GLI2: variants seen among roughly 807,000 people sequenced by gnomAD.
The protein encoded by GLI2 is transcription activator GLI2.
Under a neutral mutation model 78.9 loss-of-function variants are expected in GLI2, and 22 were observed. That is an observed-to-expected ratio of 0.28 (90% CI 0.20 to 0.40). The LOEUF is 0.40. Ranked by LOEUF, GLI2 falls within the 10% of genes least tolerant of loss-of-function variation. The probability of loss-of-function intolerance (pLI) is 1.00; values close to 1 mark genes in which losing one functional copy is unlikely to be tolerated. For synonymous variants in GLI2, 974 were observed against 963.7 expected (o/e 1.01, Z -0.20); for missense variants, 2,097 against 2,213.2 (o/e 0.95, Z 1.05).
rs114589046 is a variant in GLI2 at position 120,815,176 on chromosome 2, G to A, written c.148+17708G>A. On this transcript the variant is annotated intron_variant, in intron 2 of 13. Transcript: ENST00000361492. Reference sequence around the variant, plus strand: ...GCCATTGAGCAGGCTCTTGCTGACCGCTGTAAAGATAAGTAACGGCAGTTT... The same window carrying A: ...GCCATTGAGCAGGCTCTTGCTGACCACTGTAAAGATAAGTAACGGCAGTTT... Among the ~76,000 whole-genome samples, 8 of 152,278 alleles carry A rather than the reference G, an allele frequency of 5.3e-5. No individual in the cohort carries two copies. The East Asian group carries it at 5.8e-4, about 11-fold the overall frequency.
chr2:120,958,451 C>A (rs1186811800), intron 5 of GLI2, among the ~76,000 whole-genome samples: 1 of 152,150 alleles, frequency 6.6e-6, no homozygotes, highest in Non-Finnish European at 1.5e-5. Flanking sequence ...GTCCCTCAGG[C>A]CTCCAAGAGT....
rs73949930 is a variant in GLI2 at position 120,821,496 on chromosome 2, G to A, written c.148+24028G>A. 4.6e-3 allele frequency among the ~76,000 whole-genome samples: 694 copies of A among 152,168 alleles called. 6 individuals carry two copies. Among genetic ancestry groups the A allele is most frequent in the African/African-American group, 0.016 (661 of 41,522 alleles). On this transcript the variant is annotated intron_variant, in intron 2 of 13. Coordinates refer to ENST00000361492, the MANE Select transcript of GLI2 (RefSeq NM_001374353.1). ...TTCTGGCCGAGACTGTCAAATCCTC[G>A]GATGGGCTTGTAAACCAGCTCCTGG...
In GLI2 at chr2:120,948,271, G is replaced by A. The variant is rs1680810236; in HGVS notation, c.255-2972G>A. On this transcript the variant is annotated intron_variant, in intron 3 of 13. Transcript: ENST00000361492. ...TCCATACCCTCCTGAGGGGCACACA[G>A]CCGGTGCTTACTTCATGGGGGCTGC... is the stretch of plus-strand genomic sequence containing the variant. Among the ~76,000 whole-genome samples, 3 of 152,316 alleles carry A rather than the reference G, an allele frequency of 2.0e-5. 1 individual carries two copies. In the South Asian group the frequency reaches 6.2e-4, roughly 32 times the overall value.
At position 120,894,762 on chromosome 2, in the gene GLI2, G is replaced by A. The variant is rs193002883; in HGVS notation, c.149-32599G>A. Among the ~76,000 whole-genome samples the A allele has an allele frequency of 3.8e-3, 579 of 150,670 alleles. 6 individuals carry two copies. Among genetic ancestry groups the A allele is most frequent in the African/African-American group, 0.013 (549 of 40,888 alleles). The stretch of plus-strand genomic sequence containing the variant: ...TGCCCAGGCTGGAGCGCAGTGGCGC[G>A]ATCTTGGCTCACTGCAACCTCTGCC... On this transcript the variant is annotated intron_variant, in intron 2 of 13. Transcript: ENST00000361492.
At chr2:120,795,748 C>T (rs10196109) in intron 1 of GLI2, among the ~76,000 whole-genome samples, 3,264 of 152,130 alleles carry the variant, frequency 0.021, 90 homozygotes, top group African/African-American at 0.071. Flanking sequence ...TCCCCACCAC[C>T]TTCTTTAAAA....
intron 1 of GLI2, among the ~76,000 whole-genome samples, chr2:120,781,267 T>G (rs909708580): frequency 6.6e-5 from 10 of 152,122 alleles, no homozygotes; most frequent in Non-Finnish European, 1.2e-4. Flanking sequence ...AAATGGCCTC[T>G]GATAGGGTGG....
chr2:120,943,510 A>T (rs1425701605), intron 3 of GLI2, among the ~76,000 whole-genome samples: 5 of 152,146 alleles, frequency 3.3e-5, no homozygotes, highest in Non-Finnish European at 7.3e-5. Context: ...TCCCCAAGTG[A>T]CTGGGCCTCC....
At chr2:120,917,539 C>A (rs534065424) in intron 2 of GLI2, among the ~76,000 whole-genome samples, 4 of 152,248 alleles carry the variant, frequency 2.6e-5, no homozygotes, top group African/African-American at 4.8e-5. Context: ...GCCATCCATG[C>A]GCCCCCTTTC....
chr2:120,862,633 C>T (rs73949946), intron 2 of GLI2, among the ~76,000 whole-genome samples: 4,720 of 152,222 alleles, frequency 0.031, 237 homozygotes, highest in African/African-American at 0.11. Context: ...CTGAGCTGGG[C>T]AGGTGGGGGG....
intron 2 of GLI2, among the ~76,000 whole-genome samples, chr2:120,863,074 G>C (rs962751835): frequency 2.6e-5 from 4 of 152,194 alleles, no homozygotes; most frequent in Non-Finnish European, 5.9e-5. Context: ...CGCCTGGAAG[G>C]GGCTATTGCT....
At chr2:120,759,273 AC>A (rs1467774157) in intron 1 of GLI2, among the ~76,000 whole-genome samples, 1 of 151,986 alleles carries the variant, frequency 6.6e-6, no homozygotes, top group Non-Finnish European at 1.5e-5. Context: ...TTCAGTTTTG[AC>A]CCTGTCTACC....
intron 2 of GLI2, among the ~76,000 whole-genome samples, chr2:120,865,108 T>A (rs995042864): frequency 1.3e-5 from 2 of 152,014 alleles, no homozygotes; most frequent in Admixed American, 1.3e-4. Context: ...CTTCCATCTA[T>A]GGGTAGTATC....
chr2:120,990,253 T>C lies in GLI2; in HGVS notation c.4288T>C (p.Tyr1430His), dbSNP rs749545197. Residue 1430 changes from tyrosine to histidine, a missense_variant, in exon 14 of 14, where the codon TAC becomes CAC. Transcript: ENST00000361492. ...GGAPDHSMLY[Y>H]YGQIHMYEQD... Reference sequence around the variant, plus strand: ...GGCCCCGGACCACAGCATGCTCTACTACTACGGCCAGATCCACATGTACGA... The same window carrying C: ...GGCCCCGGACCACAGCATGCTCTACCACTACGGCCAGATCCACATGTACGA... The C allele has an allele frequency of 6.2e-7, 1 of 1,613,668 alleles. No homozygotes were observed. The highest frequency in any genetic ancestry group is 2.2e-5 in the East Asian group (1 of 44,880).
intron 2 of GLI2, among the ~76,000 whole-genome samples, chr2:120,802,870 A>G (rs1013370045): frequency 3.9e-5 from 6 of 152,274 alleles, no homozygotes; most frequent in African/African-American, 1.4e-4. Flanking sequence ...CACCAGCAAC[A>G]TCAGCATCCC....
intron 2 of GLI2, among the ~76,000 whole-genome samples, chr2:120,878,927 TAA>T (rs545715991): frequency 7.0e-6 from 1 of 142,204 alleles, no homozygotes; most frequent in African/African-American, 2.6e-5. Context: ...GACTCCATCT[TAA>T]AAAAAAAAAA....
At chr2:120,975,530 G>C (rs1298046348) in intron 9 of GLI2, among the ~76,000 whole-genome samples, 1 of 152,032 alleles carries the variant, frequency 6.6e-6, no homozygotes, top group African/African-American at 2.4e-5. Context: ...AGTGAAAGAA[G>C]CTTCTCCCAT....
intron 2 of GLI2, among the ~76,000 whole-genome samples, chr2:120,915,993 C>T (rs1293846514): frequency 6.6e-6 from 1 of 152,208 alleles, no homozygotes; most frequent in East Asian, 1.9e-4. Flanking sequence ...TAAATGATTT[C>T]CCCTTCCTTA....
At chr2:120,973,408 G>T (rs927644182) in intron 8 of GLI2, among the ~76,000 whole-genome samples, 1 of 152,238 alleles carries the variant, frequency 6.6e-6, no homozygotes, top group African/African-American at 2.4e-5. Context: ...ACCCTGGCCG[G>T]CCATACAGGG....
chr2:120,800,501 T>A lies in GLI2; in HGVS notation c.148+3033T>A, dbSNP rs1157383473. Among the ~76,000 whole-genome samples, 1 of 147,112 alleles carries A rather than the reference T, an allele frequency of 6.8e-6. No homozygotes were observed. The highest frequency in any genetic ancestry group is 1.5e-5 in the Non-Finnish European group (1 of 66,218). On this transcript the variant is annotated intron_variant, in intron 2 of 13. Transcript: ENST00000361492. The surrounding 1 kb of genome is among the most constrained non-coding windows in gnomAD (Gnocchi z 4.1). ...ATTATTATTATTATTATTTTATTTTTTATTTTTATTTATTTATTTTTTTGA... is the reference window on the plus strand; with the variant it reads ...ATTATTATTATTATTATTTTATTTTATATTTTTATTTATTTATTTTTTTGA...
Sources: allele counts gnomAD v4.1 joint callset (sites outside exome capture counted in the v4.1 genomes callset), GRCh38; gene constraint gnomAD v4.1.1; non-coding constraint Gnocchi (gnomAD v3.1); transcripts MANE v1.5; gene names NCBI Gene and HGNC (gene_info 2026-07-23, HGNC 2026-07-21).